The following AEN variants were observed in gnomAD, a reference collection of about 807,000 sequenced individuals.
AEN encodes the protein apoptosis enhancing nuclease.
A neutral mutation model predicts 17.7 loss-of-function variants in AEN; 21 were observed. The ratio of observed to expected loss-of-function variants is 1.19; its 90% CI spans 0.84 to 1.71. AEN has a LOEUF of 1.71. Ranked by LOEUF, AEN falls within the 40% of genes most tolerant of loss-of-function variation. The pLI is 0.00. For missense variants in AEN, 462 were observed against 435.9 expected (o/e 1.06, Z -0.53); for synonymous variants, 190 against 173.0 (o/e 1.10, Z -0.77).
intron 2 of AEN, chr15:88,628,735 G>A: frequency 6.5e-6 from 1 of 154,486 alleles, no homozygotes; most frequent in South Asian, 1.9e-4. Flanking sequence ...ACAGGAAAAA[G>A]ATAGGCATTA....
At chr15:88,614,868 TTTG>T in the AEN span, among the ~76,000 whole-genome samples, 103 of 151,528 alleles carry the variant, frequency 6.8e-4, no homozygotes, top group East Asian at 4.3e-3. Flanking sequence ...GTGGTGCTTT[TTTG>T]TTGTTGTTGT....
At chr15:88,620,493 C>A (rs2057773726), upstream of AEN, among the ~76,000 whole-genome samples, 2 of 152,010 alleles carry the variant, frequency 1.3e-5, no homozygotes, top group Admixed American at 1.3e-4. Flanking sequence ...CGGCTCACTG[C>A]AACCTCCGCC....
the AEN span, among the ~76,000 whole-genome samples, chr15:88,611,517 G>A: frequency 2.0e-5 from 3 of 151,508 alleles, no homozygotes; most frequent in African/African-American, 7.3e-5. Flanking sequence ...GAACACTCGA[G>A]TCTGGAAGGT....
rs112424745 is a variant in AEN at position 88,625,213 on chromosome 15, G to A, written c.-64-933G>A. ...GCTGTGGCGATTAATGAATTACAAC[G>A]TCAGGTAAAGAAATTACACTTAAAG... On this transcript the variant is annotated intron_variant, in intron 1 of 3. Transcript: ENST00000332810. 2.7e-4 allele frequency among the ~76,000 whole-genome samples: 41 copies of A among 152,268 alleles called. No homozygotes were observed. The East Asian group carries it at 2.9e-3, about 11-fold the overall frequency.
chr15:88,619,310 G>A (rs2057762455), upstream of AEN, among the ~76,000 whole-genome samples: 1 of 148,268 alleles, frequency 6.7e-6, no homozygotes, highest in African/African-American at 2.6e-5. Flanking sequence ...TTACACATGA[G>A]GAGAGGGAAG....
At chr15:88,621,316 G>C (rs375618035), upstream of AEN, 63 of 152,508 alleles carry the variant, frequency 4.1e-4, no homozygotes, top group African/African-American at 1.5e-3. Context: ...GGGCTTGCCC[G>C]GGCATGTGGG....
chr15:88,620,386 T>C (rs1481518633), upstream of AEN, among the ~76,000 whole-genome samples: 5 of 152,246 alleles, frequency 3.3e-5, no homozygotes, highest in Admixed American at 2.0e-4. Context: ...TTATTACTCA[T>C]GTTACACTGA....
chr15:88,609,646 G>C, the AEN span, among the ~76,000 whole-genome samples: 1 of 152,184 alleles, frequency 6.6e-6, no homozygotes, highest in Non-Finnish European at 1.5e-5. Context: ...GTGGGCTCAA[G>C]GGCAGGTCAT....
chr15:88,610,878 C>T, the AEN span, among the ~76,000 whole-genome samples: 1 of 152,340 alleles, frequency 6.6e-6, no homozygotes, highest in Admixed American at 6.5e-5. Context: ...GTCCTGCCAG[C>T]GCAATTAGAG....
the AEN span, among the ~76,000 whole-genome samples, chr15:88,612,341 G>C: frequency 6.6e-6 from 1 of 152,052 alleles, no homozygotes; most frequent in Non-Finnish European, 1.5e-5. Flanking sequence ...CGGATGTTCA[G>C]TGTACCTGGC....
chr15:88,611,140 A>C, the AEN span, among the ~76,000 whole-genome samples: 207 of 152,352 alleles, frequency 1.4e-3, no homozygotes, highest in African/African-American at 4.7e-3. Flanking sequence ...GGCCATGCCC[A>C]TAGGCTTCCA....
In AEN at chr15:88,630,263, G is replaced by A. The variant is rs182876356; in HGVS notation, c.947G>A (p.Gly316Glu). The change falls in exon 4 of 4, where the codon GGA (glycine) becomes GAA (glutamate). Residue 316 changes from glycine to glutamate, a missense_variant. Transcript: ENST00000332810. The surrounding 1 kb of genome is among the most constrained non-coding windows in gnomAD (Gnocchi z 5.1). ...PDDLAHGSRG[G>E]AREAQDRRN ...GACCTGGCCCACGGCAGCAGAGGAG[G>A]AGCCAGGGAGGCACAGGACAGAAGG... is the stretch of plus-strand genomic sequence containing the variant. 38 of 1,591,528 alleles carry A rather than the reference G, an allele frequency of 2.4e-5. No homozygotes were observed. The highest frequency in any genetic ancestry group is 1.1e-4 in the Admixed American group (6 of 55,008).
At chr15:88,623,885 C>G (rs2057818218) in intron 1 of AEN, among the ~76,000 whole-genome samples, 1 of 152,214 alleles carries the variant, frequency 6.6e-6, no homozygotes, top group Admixed American at 6.5e-5. Flanking sequence ...CATGACCCGC[C>G]TTATGCTCTA....
chr15:88,614,958 G>C, the AEN span, among the ~76,000 whole-genome samples: 2 of 152,174 alleles, frequency 1.3e-5, no homozygotes, highest in East Asian at 3.9e-4. Flanking sequence ...CGCGATCTCG[G>C]GTTCACGCCA....
upstream of AEN, among the ~76,000 whole-genome samples, chr15:88,620,005 T>C (rs2057768953): frequency 2.0e-5 from 3 of 152,176 alleles, no homozygotes; most frequent in Admixed American, 2.0e-4. Context: ...TGGTAAACTA[T>C]CTATGGCTTA....
intron 1 of AEN, chr15:88,621,651 C>G (rs907764187): frequency 5.3e-5 from 8 of 152,232 alleles, no homozygotes; most frequent in Non-Finnish European, 1.0e-4. Flanking sequence ...GACCAACGCC[C>G]GAGTCCTTCC....
At chr15:88,626,962 GGACA>G in intron 2 of AEN, 2 of 588,880 alleles carry the variant, frequency 3.4e-6, no homozygotes, top group South Asian at 2.1e-5. Context: ...CTGTTGCACA[GGACA>G]ATGTAGAAAG....
At chr15:88,618,168 C>T (rs182669896), upstream of AEN, among the ~76,000 whole-genome samples, 114 of 152,298 alleles carry the variant, frequency 7.5e-4, no homozygotes, top group African/African-American at 2.7e-3. Flanking sequence ...CACCCCACCC[C>T]AAAATCATCC....
intron 1 of AEN, among the ~76,000 whole-genome samples, chr15:88,622,253 C>T (rs896812124): frequency 6.6e-6 from 1 of 152,194 alleles, no homozygotes; most frequent in South Asian, 2.1e-4. Flanking sequence ...TGGGTCCAGG[C>T]TAGAGAAAGG....
Sources: gnomAD v4.1 joint callset for allele counts (sites outside exome capture counted in the v4.1 genomes callset) on GRCh38, gnomAD v4.1.1 for gene constraint, Gnocchi (gnomAD v3.1) non-coding constraint, MANE v1.5 for transcripts, NCBI Gene and HGNC (gene_info 2026-07-23, HGNC 2026-07-21) for gene names.